Variants in SMUG1 observed in about 807,000 individuals in gnomAD.
SMUG1 encodes single-strand selective monofunctional uracil DNA glycosylase.
A neutral mutation model predicts 23.9 loss-of-function variants in SMUG1; 13 were observed. The ratio of observed to expected loss-of-function variants is 0.54; its 90% CI spans 0.35 to 0.86. SMUG1 has a LOEUF of 0.86. Ranked by LOEUF, SMUG1 falls within the 40% of genes least tolerant of loss-of-function variation. The probability of loss-of-function intolerance (pLI) is 0.01; values close to 1 mark genes in which losing one functional copy is unlikely to be tolerated. For missense variants in SMUG1, 313 were observed against 339.5 expected (o/e 0.92, Z 0.61); for synonymous variants, 133 against 139.8 (o/e 0.95, Z 0.34).
At chr12:54,171,685 T>TG (rs1405616407) in intron 3 of SMUG1, among the ~76,000 whole-genome samples, 8 of 35,002 alleles carry the variant, frequency 2.3e-4, no homozygotes, top group Non-Finnish European at 3.7e-4. Context: ...GAGTCTTGTC[T>TG]CAAAAAAAAA....
intron 1 of SMUG1, 112 bp downstream of exon 1, chr12:54,188,838 GA>G (rs1477384680): frequency 1.2e-4 from 19 of 152,012 alleles, no homozygotes; most frequent in African/African-American, 3.9e-4. Context: ...CATACGGAGG[GA>G]GGGACCCCAA....
At chr12:54,187,959 A>C (rs1486311662) in intron 1 of SMUG1, 57 bp from the exon 2 acceptor site, 4 of 152,138 alleles carry the variant, frequency 2.6e-5, no homozygotes, top group African/African-American at 9.7e-5. Flanking sequence ...GAGCTTTAAT[A>C]CCCGGAACAA....
chr12:54,188,711 G>C (rs1943125207), intron 1 of SMUG1: 1 of 152,194 alleles, frequency 6.6e-6, no homozygotes, highest in Admixed American at 6.6e-5. Flanking sequence ...CGACTACTAA[G>C]GCACCATACA....
intron 2 of SMUG1, among the ~76,000 whole-genome samples, chr12:54,174,696 C>A (rs2136550278): frequency 6.6e-6 from 1 of 152,348 alleles, no homozygotes; most frequent in South Asian, 2.1e-4. Context: ...TGGCACAGGC[C>A]ACCATGGAGG....
chr12:54,164,196 G>A (rs1045997191), downstream of SMUG1, among the ~76,000 whole-genome samples: 1 of 151,862 alleles, frequency 6.6e-6, no homozygotes, highest in African/African-American at 2.4e-5. Context: ...GAACTGGGGA[G>A]AGAGACAGAG....
At chr12:54,176,728 A>C (rs1415186851), downstream of SMUG1, among the ~76,000 whole-genome samples, 1 of 149,072 alleles carries the variant, frequency 6.7e-6, no homozygotes, top group East Asian at 2.0e-4. Context: ...AATGGCGTGA[A>C]CCCGGGAAGC....
chr12:54,170,477 T>C (rs1940587847), intron 3 of SMUG1, among the ~76,000 whole-genome samples: 1 of 152,018 alleles, frequency 6.6e-6, no homozygotes, highest in African/African-American at 2.4e-5. Context: ...AATGAGGGCC[T>C]GGCCACCAGG....
chr12:54,161,004 C>T (rs1240923571), downstream of SMUG1, among the ~76,000 whole-genome samples: 4 of 152,206 alleles, frequency 2.6e-5, no homozygotes, highest in African/African-American at 9.7e-5. The surrounding 1 kb of genome is among the most constrained non-coding windows in gnomAD (Gnocchi z 4.2). Flanking sequence ...AGGGCACACA[C>T]TGTCCTGTTA....
intron 1 of SMUG1, 101 bp from the exon 2 acceptor site, chr12:54,188,003 G>A (rs936637865): frequency 3.9e-5 from 6 of 152,044 alleles, no homozygotes; most frequent in African/African-American, 9.7e-5. Flanking sequence ...GAACTTGTAA[G>A]TTCTACCCAA....
At chr12:54,171,380 C>A (rs1443433410) in intron 3 of SMUG1, among the ~76,000 whole-genome samples, 1 of 151,674 alleles carries the variant, frequency 6.6e-6, no homozygotes, top group East Asian at 2.0e-4. Context: ...TATCTCCAGT[C>A]TGGACTTCAC....
chr12:54,182,731 C>G (rs1176613742), intron 3 of SMUG1, 108 bp from the exon 4 acceptor site: 8 of 1,492,512 alleles, frequency 5.4e-6, no homozygotes, highest in Middle Eastern at 2.3e-4. Context: ...GCCTGCACCC[C>G]CTACCCCTAC....
intron 4 of SMUG1, among the ~76,000 whole-genome samples, chr12:54,158,245 T>A (rs1940105630): frequency 6.6e-6 from 1 of 151,952 alleles, no homozygotes; most frequent in African/African-American, 2.4e-5. Flanking sequence ...TTACTGTGAG[T>A]TGCAATATCA....
chr12:54,184,916 C>G (rs1941964772), intron 2 of SMUG1, among the ~76,000 whole-genome samples: 1 of 152,202 alleles, frequency 6.6e-6, no homozygotes, highest in Non-Finnish European at 1.5e-5. Flanking sequence ...GTAATCCCAG[C>G]ACTTTGGGAG....
chr12:54,177,536 G>T (rs1159252337), downstream of SMUG1, among the ~76,000 whole-genome samples: 1 of 152,120 alleles, frequency 6.6e-6, no homozygotes, highest in African/African-American at 2.4e-5. Context: ...CACATGGCTA[G>T]TGGCTACTGT....
At chr12:54,184,157 C>T (rs1348877380) in intron 2 of SMUG1, 198 bp from the exon 3 acceptor site, 7 of 460,044 alleles carry the variant, frequency 1.5e-5, no homozygotes, top group Non-Finnish European at 1.9e-5. Flanking sequence ...CTCCCCACTT[C>T]CATTATCTGT....
intron 3 of SMUG1, among the ~76,000 whole-genome samples, chr12:54,165,804 T>C (rs972747196): frequency 3.9e-5 from 6 of 152,218 alleles, no homozygotes; most frequent in Non-Finnish European, 8.8e-5. Flanking sequence ...AATGGACAGT[T>C]ACTGCAGAGG....
At chr12:54,173,415 A>AGGCGGGGAGT (rs1378425867) in intron 2 of SMUG1, among the ~76,000 whole-genome samples, 12 of 152,284 alleles carry the variant, frequency 7.9e-5, no homozygotes, top group East Asian at 5.8e-4. Flanking sequence ...AAAAGTGTCG[A>AGGCGGGGAGT]GGCGGGGAGT....
At chr12:54,160,807 C>T (rs1464448181), downstream of SMUG1, among the ~76,000 whole-genome samples, 6 of 152,326 alleles carry the variant, frequency 3.9e-5, no homozygotes, top group Admixed American at 6.5e-5. Context: ...CTAGTCAAGC[C>T]GCACCCCCAA....
intron 4 of SMUG1, among the ~76,000 whole-genome samples, chr12:54,158,750 C>T (rs988561571): frequency 2.0e-5 from 3 of 152,182 alleles, no homozygotes; most frequent in African/African-American, 7.2e-5. Context: ...TACCTCCAGC[C>T]CTCCTACTCT....
Sources: allele counts gnomAD v4.1 joint callset (sites outside exome capture counted in the v4.1 genomes callset), GRCh38; gene constraint gnomAD v4.1.1; non-coding constraint Gnocchi (gnomAD v3.1); transcripts MANE v1.5; gene names NCBI Gene and HGNC (gene_info 2026-07-23, HGNC 2026-07-21).